The following SLC4A4 variants were observed in gnomAD, a reference collection of about 807,000 sequenced individuals.
SLC4A4 encodes the protein solute carrier family 4 member 4.
SLC4A4 carries 27 observed loss-of-function variants against 111.5 expected under a neutral mutation model. That is an observed-to-expected ratio of 0.24 (90% CI 0.18 to 0.33). SLC4A4 has a LOEUF of 0.33. SLC4A4 is among the 10% of genes least tolerant of loss of function. The pLI, the probability that SLC4A4 is intolerant of heterozygous loss-of-function variation, is 1.00. For missense variants in SLC4A4, 909 were observed against 1,315.5 expected (o/e 0.69, Z 4.78); for synonymous variants, 443 against 463.4 (o/e 0.96, Z 0.57).
chr4:71,410,653 A>C (rs925770170), intron 7 of SLC4A4, among the ~76,000 whole-genome samples: 3 of 152,184 alleles, frequency 2.0e-5, no homozygotes, highest in African/African-American at 7.2e-5. Flanking sequence ...GAAATGAGTT[A>C]AGACTTTGAG....
At chr4:71,096,209 A>G (rs547217951) in intron 2 of SLC4A4, among the ~76,000 whole-genome samples, 2 of 152,312 alleles carry the variant, frequency 1.3e-5, no homozygotes, top group Admixed American at 6.5e-5. Context: ...AAGGTAGAAA[A>G]TAAGGTTAGT....
intron 16 of SLC4A4, among the ~76,000 whole-genome samples, chr4:71,531,313 A>G (rs529940970): frequency 5.5e-4 from 84 of 152,304 alleles, no homozygotes; most frequent in African/African-American, 1.9e-3. Flanking sequence ...TGTCCTGACC[A>G]GAGAAATTTG....
intron 3 of SLC4A4, among the ~76,000 whole-genome samples, chr4:71,317,229 A>T (rs1372888682): frequency 6.6e-6 from 1 of 152,014 alleles, no homozygotes; most frequent in South Asian, 2.1e-4. Flanking sequence ...AAGTTGCTTG[A>T]CAAGTGTGAA....
At chr4:71,318,519 A>C (rs1726871973) in intron 3 of SLC4A4, among the ~76,000 whole-genome samples, 1 of 152,062 alleles carries the variant, frequency 6.6e-6, no homozygotes, top group Non-Finnish European at 1.5e-5. Context: ...TAAAGAATAC[A>C]TTTTAATATT....
intron 2 of SLC4A4, among the ~76,000 whole-genome samples, chr4:71,174,147 A>G (rs1048602152): frequency 1.3e-5 from 2 of 152,188 alleles, no homozygotes; most frequent in African/African-American, 4.8e-5. Flanking sequence ...GGGTTTGAAA[A>G]GATGGAACCA....
chr4:71,185,726 T>C (rs1745431019), upstream of SLC4A4, among the ~76,000 whole-genome samples: 2 of 152,146 alleles, frequency 1.3e-5, no homozygotes, highest in Non-Finnish European at 2.9e-5. Flanking sequence ...CAGTTTTGAA[T>C]ACTAGAAAGA....
At chr4:71,278,355 G>A (rs1407864582) in intron 3 of SLC4A4, among the ~76,000 whole-genome samples, 1 of 152,040 alleles carries the variant, frequency 6.6e-6, no homozygotes, top group East Asian at 1.9e-4. Context: ...GGACACTTTG[G>A]TCATTTCGTG....
At chr4:71,251,861 GT>G (rs1448604208) in intron 2 of SLC4A4, among the ~76,000 whole-genome samples, 2 of 151,962 alleles carry the variant, frequency 1.3e-5, no homozygotes, top group Non-Finnish European at 2.9e-5. Context: ...AGCCTAAAAA[GT>G]TCTGTATAAG....
chr4:71,185,050 A>G (rs1365092524), upstream of SLC4A4, among the ~76,000 whole-genome samples: 1 of 152,154 alleles, frequency 6.6e-6, no homozygotes, highest in Non-Finnish European at 1.5e-5. Flanking sequence ...TGCTCCTTTT[A>G]GGGTAAATTC....
At chr4:71,103,635 C>G (rs989206479) in intron 2 of SLC4A4, among the ~76,000 whole-genome samples, 5 of 152,160 alleles carry the variant, frequency 3.3e-5, no homozygotes, top group African/African-American at 9.7e-5. Flanking sequence ...AACCGCTCAA[C>G]TACATGGAAA....
chr4:71,371,390 CCCA>C (rs1731863893), intron 6 of SLC4A4, among the ~76,000 whole-genome samples: 1 of 151,748 alleles, frequency 6.6e-6, no homozygotes, highest in Non-Finnish European at 1.5e-5. Context: ...ATTACAGGCG[CCCA>C]CCACCACTCC....
chr4:71,376,101 A>ATATATATATACGTTTGTG, intron 6 of SLC4A4, among the ~76,000 whole-genome samples: 1 of 149,016 alleles, frequency 6.7e-6, no homozygotes, highest in Non-Finnish European at 1.5e-5. Flanking sequence ...ATACGTGTGT[A>ATATATATATACGTTTGTG]TATATATATA....
At chr4:71,068,181 C>T (rs1415416068) in intron 1 of SLC4A4, among the ~76,000 whole-genome samples, 2 of 150,736 alleles carry the variant, frequency 1.3e-5, no homozygotes, top group Non-Finnish European at 1.5e-5. Flanking sequence ...TCTCCTGCCT[C>T]AGCCACCCGA....
intron 15 of SLC4A4, among the ~76,000 whole-genome samples, chr4:71,490,704 C>T (rs1313160442): frequency 6.6e-6 from 1 of 151,806 alleles, no homozygotes; most frequent in African/African-American, 2.4e-5. Context: ...GTCCAACCCC[C>T]AGTCTTTCGT....
chr4:71,083,965 T>C (rs2148935916), intron 1 of SLC4A4, among the ~76,000 whole-genome samples: 1 of 152,068 alleles, frequency 6.6e-6, no homozygotes, highest in East Asian at 1.9e-4. Context: ...TAGTGGGATC[T>C]ATGTAAGATC....
chr4:71,555,295 A>G, intron 21 of SLC4A4, 87 bp downstream of exon 21: 1 of 886,684 alleles, frequency 1.1e-6, no homozygotes, highest in Non-Finnish European at 1.9e-6. Flanking sequence ...GAAAAGTGCT[A>G]ATCATTATTA....
At chr4:71,285,453 T>G (rs564539275) in intron 3 of SLC4A4, among the ~76,000 whole-genome samples, 38 of 152,256 alleles carry the variant, frequency 2.5e-4, no homozygotes, top group African/African-American at 8.7e-4. Flanking sequence ...ATTCAGTGTC[T>G]GTAGCCTCAA....
intron 2 of SLC4A4, among the ~76,000 whole-genome samples, chr4:71,116,125 C>T (rs967008336): frequency 3.9e-5 from 6 of 152,158 alleles, no homozygotes; most frequent in African/African-American, 1.4e-4. Flanking sequence ...GAATTCCTGA[C>T]CTCACGTGGT....
At chr4:71,100,610 G>A (rs1742699650) in intron 2 of SLC4A4, among the ~76,000 whole-genome samples, 1 of 152,090 alleles carries the variant, frequency 6.6e-6, no homozygotes, top group African/African-American at 2.4e-5. Context: ...AGTCAGACAA[G>A]AGAAAGAAAG....
Sources: gnomAD v4.1 joint callset for allele counts (sites outside exome capture counted in the v4.1 genomes callset) on GRCh38, gnomAD v4.1.1 for gene constraint, MANE v1.5 for transcripts, NCBI Gene and HGNC (gene_info 2026-07-23, HGNC 2026-07-21) for gene names.